The following BMP3 variants were observed in gnomAD, a reference collection of about 807,000 sequenced individuals.
The protein encoded by BMP3 is bone morphogenetic protein 3.
A neutral mutation model predicts 38.1 loss-of-function variants in BMP3; 23 were observed. That is an observed-to-expected ratio of 0.60 (90% CI 0.43 to 0.86). The LOEUF (loss-of-function observed/expected upper bound fraction) is 0.86. Among genes scored for constraint, BMP3 ranks in the 40% least tolerant of loss-of-function variants. The pLI, the probability that BMP3 is intolerant of heterozygous loss-of-function variation, is 0.00. For missense variants in BMP3, 628 were observed against 579.6 expected (o/e 1.08, Z -0.86); for synonymous variants, 258 against 225.7 (o/e 1.14, Z -1.28).
intron 1 of BMP3, among the ~76,000 whole-genome samples, chr4:81,039,629 CTT>C (rs1740015250): frequency 6.6e-6 from 1 of 152,166 alleles, no homozygotes; most frequent in Admixed American, 6.5e-5. Flanking sequence ...AATCTTCTAC[CTT>C]TATATAATAA....
intron 1 of BMP3, among the ~76,000 whole-genome samples, chr4:81,043,893 C>T (rs2109907623): frequency 6.6e-6 from 1 of 152,162 alleles, no homozygotes; most frequent in South Asian, 2.1e-4. Context: ...CTGGCCTCAT[C>T]CTACATTTTT....
Position 81,031,580 on chromosome 4 carries a change from G to A in BMP3, c.296G>A (p.Ser99Asn). 1 of 1,602,816 alleles carries A rather than the reference G, an allele frequency of 6.2e-7. No individual in the cohort carries two copies. Among genetic ancestry groups the A allele is most frequent in the Non-Finnish European group, 8.5e-7 (1 of 1,175,392 alleles). ...RLLREGNTVRSFRAAAAETLE... is the reference protein window; with the variant it reads ...RLLREGNTVRNFRAAAAETLE... ...CTGCGCGAAGGCAACACGGTTCGCAGCTTTCGGGCGGCAGCAGCAGGTGAG... is the reference window on the plus strand; with the variant it reads ...CTGCGCGAAGGCAACACGGTTCGCAACTTTCGGGCGGCAGCAGCAGGTGAG... The change falls in exon 1 of 3, where the codon AGC (serine) becomes AAC (asparagine). Residue 99 changes from serine to asparagine, a missense_variant. Coordinates refer to ENST00000282701, the MANE Select transcript of BMP3 (RefSeq NM_001201.5).
At chr4:81,047,501 TGGTGCACTTCC>T (rs1225775423) in intron 2 of BMP3, among the ~76,000 whole-genome samples, 25 of 151,530 alleles carry the variant, frequency 1.6e-4, no homozygotes, top group Admixed American at 1.1e-3. Context: ...TTAAGCTTAT[TGGTGCACTTCC>T]ATTCTCAGCT....
chr4:81,044,070 A>T (rs188250117), intron 1 of BMP3, among the ~76,000 whole-genome samples: 2 of 152,284 alleles, frequency 1.3e-5, no homozygotes, highest in East Asian at 3.9e-4. Context: ...TCATTTTGTG[A>T]ATGAGAATAT....
intron 2 of BMP3, among the ~76,000 whole-genome samples, chr4:81,049,526 CT>C: frequency 6.6e-6 from 1 of 152,092 alleles, no homozygotes; most frequent in Non-Finnish European, 1.5e-5. Flanking sequence ...TTCAGATTTC[CT>C]TTTGCCAAGT....
chr4:81,049,816 C>T (rs1740361169), intron 2 of BMP3, among the ~76,000 whole-genome samples: 1 of 152,172 alleles, frequency 6.6e-6, no homozygotes. Flanking sequence ...AGAGGAGAAT[C>T]AAGGCCACTG....
At chr4:81,051,855 G>T (rs1382527026) in intron 2 of BMP3, among the ~76,000 whole-genome samples, 1 of 152,052 alleles carries the variant, frequency 6.6e-6, no homozygotes, top group Non-Finnish European at 1.5e-5. Context: ...AAAAAAGTAA[G>T]AACAGTTGCC....
chr4:81,041,087 C>T (rs141577531), intron 1 of BMP3, among the ~76,000 whole-genome samples: 1 of 152,120 alleles, frequency 6.6e-6, no homozygotes, highest in African/African-American at 2.4e-5. Flanking sequence ...CAATGCAAAT[C>T]TTCTGTTCAT....
chr4:81,051,628 A>G (rs907615054), intron 2 of BMP3, among the ~76,000 whole-genome samples: 3 of 152,208 alleles, frequency 2.0e-5, no homozygotes, highest in Non-Finnish European at 4.4e-5. Context: ...ACCAATAGCA[A>G]TAACAAGCAA....
At chr4:81,039,778 A>C (rs1004154036) in intron 1 of BMP3, among the ~76,000 whole-genome samples, 7 of 152,294 alleles carry the variant, frequency 4.6e-5, no homozygotes, top group African/African-American at 1.7e-4. Flanking sequence ...CATATAAAAA[A>C]AGCTTTAGGG....
Position 81,053,595 on chromosome 4 carries a change from C to G in BMP3, c.*59C>G. On this transcript the variant is annotated 3_prime_UTR_variant, in exon 3 of 3. Transcript: ENST00000282701. ...ATCATTAGTTTATTTTTATGGACTT[C>G]TTCCTGTTTTTTTTTTTTTTTTTTT... is the stretch of plus-strand genomic sequence containing the variant. The G allele has an allele frequency of 3.3e-6, 2 of 606,086 alleles. No homozygotes were observed. Among genetic ancestry groups the G allele is most frequent in the Non-Finnish European group, 4.7e-6 (2 of 428,950 alleles). The allele number at this position is 606,086 out of a possible 1,614,324, so 37.5% of individuals were successfully genotyped here.
chr4:81,031,459 C>T lies in BMP3; in HGVS notation c.175C>T (p.His59Tyr), dbSNP rs992002393. The T allele has an allele frequency of 1.2e-6, 2 of 1,613,508 alleles. No individual in the cohort carries two copies. Among genetic ancestry groups the T allele is most frequent in the African/African-American group, 2.7e-5 (2 of 74,936 alleles). The change falls in exon 1 of 3, where the codon CAC becomes TAC. Residue 59 changes from histidine (H) to tyrosine (Y), a missense_variant. His to Tyr is a moderately conservative substitution (Grantham distance 83, BLOSUM62 2). Transcript: ENST00000282701. Reference protein sequence around the residue: ...ELQPQDKVSEHMLRLYDRYST... With the variant: ...ELQPQDKVSEYMLRLYDRYST... ...GCAGCCGCAAGACAAGGTCTCTGAA[C>T]ACATGCTGCGGCTCTATGACAGGTA... is the stretch of plus-strand genomic sequence containing the variant.
At position 81,030,904 on chromosome 4, in the gene BMP3, C is replaced by T; in HGVS notation, c.-381C>T. The T allele has an allele frequency of 4.6e-6, 1 of 216,668 alleles. No homozygotes were observed. Among genetic ancestry groups the T allele is most frequent in the South Asian group, 7.7e-5 (1 of 12,948 alleles). The allele number at this position is 216,668 out of a possible 1,614,324, so 13.4% of individuals were successfully genotyped here. On this transcript the variant is annotated 5_prime_UTR_variant, in exon 1 of 3. Coordinates refer to ENST00000282701, the MANE Select transcript of BMP3 (RefSeq NM_001201.5). ...GCCCAAAACAGAGCTAGTCCTAGTC[C>T]CTCGCGCGGCCAGTTTGGCCGGGTG...
chr4:81,043,572 C>T (rs561843646), intron 1 of BMP3, among the ~76,000 whole-genome samples: 2 of 146,196 alleles, frequency 1.4e-5, no homozygotes, highest in Non-Finnish European at 3.0e-5. Flanking sequence ...TTACCCAATG[C>T]TTATCAAGCA....
chr4:81,036,128 T>C (rs1739917399), intron 1 of BMP3, among the ~76,000 whole-genome samples: 1 of 152,040 alleles, frequency 6.6e-6, no homozygotes, highest in Non-Finnish European at 1.5e-5. Context: ...TGAGTTCTCC[T>C]TCATTATTTT....
At position 81,041,205 on chromosome 4, in the gene BMP3, G is replaced by A. The variant is rs1175938961; in HGVS notation, c.317-4533G>A. Among the ~76,000 whole-genome samples, 8 of 152,234 alleles carry A rather than the reference G, an allele frequency of 5.3e-5. No individual in the cohort carries two copies. In the East Asian group the frequency reaches 5.8e-4, roughly 11 times the overall value. On this transcript the variant is annotated intron_variant, in intron 1 of 2. Coordinates refer to ENST00000282701, the MANE Select transcript of BMP3 (RefSeq NM_001201.5). ...CATGCACTGCTATTTGCAGGAAGCCGTTTACCTCACTCTTATTTACTTCTC... is the reference window on the plus strand; with the variant it reads ...CATGCACTGCTATTTGCAGGAAGCCATTTACCTCACTCTTATTTACTTCTC...
At chr4:81,042,927 G>A (rs1360725707) in intron 1 of BMP3, among the ~76,000 whole-genome samples, 1 of 152,102 alleles carries the variant, frequency 6.6e-6, no homozygotes, top group African/African-American at 2.4e-5. Flanking sequence ...CCATGGCTTT[G>A]TTATAAAGGT....
intron 2 of BMP3, among the ~76,000 whole-genome samples, chr4:81,049,690 T>C (rs562720123): frequency 1.3e-5 from 2 of 152,302 alleles, no homozygotes; most frequent in East Asian, 3.9e-4. Context: ...ATGGGAAACA[T>C]GCAGCCAAAT....
rs756251230 is a variant in BMP3, at chr4:81,046,047, C to T, written c.626C>T (p.Ala209Val). The T allele has an allele frequency of 5.0e-6, 8 of 1,613,994 alleles. No individual in the cohort carries two copies. In the Admixed American group the frequency reaches 5.0e-5, roughly 10 times the overall value. The change falls in exon 2 of 3, where the codon GCC becomes GTC. Residue 209 changes from alanine (A) to valine (V), a missense_variant. Transcript: ENST00000282701. ...GATATCACTCAACTCTTGAGGAAGG[C>T]CAAAGAAAATGAAGAGTTCCTCATA... Reference protein sequence around the residue: ...SKDITQLLRKAKENEEFLIGF... With the variant: ...SKDITQLLRKVKENEEFLIGF...
Sources: gnomAD v4.1 joint callset for allele counts (sites outside exome capture counted in the v4.1 genomes callset) on GRCh38, gnomAD v4.1.1 for gene constraint, MANE v1.5 for transcripts, NCBI Gene and HGNC (gene_info 2026-07-23, HGNC 2026-07-21) for gene names.